Variants in FRY observed in about 807,000 individuals in gnomAD.
FRY encodes the protein protein furry homolog.
In FRY, 128 loss-of-function variants were observed where a neutral mutation model predicts 348.4. The ratio of observed to expected loss-of-function variants is 0.37; its 90% CI spans 0.32 to 0.43. The LOEUF (loss-of-function observed/expected upper bound fraction) is 0.43. Ranked by LOEUF, FRY falls within the 20% of genes least tolerant of loss-of-function variation. The probability of loss-of-function intolerance (pLI) is 1.00; values close to 1 mark genes in which losing one functional copy is unlikely to be tolerated. For synonymous variants in FRY, 1,370 were observed against 1,374.7 expected, an observed-to-expected ratio of 1.00 and a Z score of 0.08; for missense variants, 2,736 against 3,695.2, an observed-to-expected ratio of 0.74 and a Z score of 6.73.
At chr13:32,080,019 C>T (rs1241273338) in intron 2 of FRY, among the ~76,000 whole-genome samples, 2 of 152,276 alleles carry the variant, frequency 1.3e-5, no homozygotes, top group Non-Finnish European at 2.9e-5. Flanking sequence ...ATGACCCTTA[C>T]AAGAATTACA....
At chr13:32,061,992 G>T (rs975933909) in intron 1 of FRY, among the ~76,000 whole-genome samples, 30 of 152,032 alleles carry the variant, frequency 2.0e-4, no homozygotes, top group African/African-American at 7.2e-4. Flanking sequence ...CAAGGAGAAA[G>T]ATTTTGTTTA....
intron 30 of FRY, 144 bp from the exon 31 acceptor site, chr13:32,202,212 T>A: frequency 1.3e-6 from 1 of 785,302 alleles, no homozygotes; most frequent in Non-Finnish European, 2.2e-6. Context: ...ACATACTAAT[T>A]AAACTGATGT....
chr13:32,137,021 G>C (rs762347892), intron 11 of FRY, 49 bp downstream of exon 11: 1 of 1,028,806 alleles, frequency 9.7e-7, no homozygotes, highest in South Asian at 1.3e-5. Context: ...ATTTACAGTA[G>C]TTTTTAGGCT....
chr13:32,095,496 G>A lies in FRY; in HGVS notation c.271-6467G>A, dbSNP rs142976145. On this transcript the variant is annotated intron_variant, in intron 2 of 60. Transcript: ENST00000542859. ...CAAGTGGCTGGGATTACAGGCGTGC[G>A]CCCCCAGCCCAGCTAATTTTGTATT... Among the ~76,000 whole-genome samples the A allele has an allele frequency of 5.3e-4, 81 of 151,950 alleles. No individual in the cohort carries two copies. The East Asian group carries it at 0.015, about 29-fold the overall frequency.
Position 32,274,893 on chromosome 13 carries a change from G to A in FRY, c.8188G>A (p.Gly2730Arg). The A allele has an allele frequency of 6.2e-7, 1 of 1,613,080 alleles. No individual in the cohort carries two copies. Among genetic ancestry groups the A allele is most frequent in the Non-Finnish European group, 8.5e-7 (1 of 1,179,180 alleles). ...FLTCDAASYL[G>R]DNLRGIGSKF... ...AACCTGTGATGCAGCCAGTTACCTT[G>A]GAGATAACCTCCGGGGAATCGGATC... Residue 2730 changes from glycine (G) to arginine (R), a missense_variant, in exon 56 of 61, where the codon GGA becomes AGA. Physicochemically the swap from Gly to Arg is moderately radical, Grantham distance 125. Around this residue, in one of 9 missense-constraint regions of FRY, gnomAD observed 789 missense variants for 996.2 expected, o/e 0.79. Transcript: ENST00000542859.
intron 29 of FRY, among the ~76,000 whole-genome samples, chr13:32,197,246 T>A (rs1883727688): frequency 6.6e-6 from 1 of 152,244 alleles, no homozygotes; most frequent in South Asian, 2.1e-4. Flanking sequence ...TGTTTGTTTT[T>A]CTTTAAGTTA....
At chr13:32,156,532 C>T (rs1881124423) in intron 15 of FRY, among the ~76,000 whole-genome samples, 1 of 146,424 alleles carries the variant, frequency 6.8e-6, no homozygotes, top group Non-Finnish European at 1.5e-5. Flanking sequence ...ACCCAGGAGA[C>T]GGAGGTTGCA....
At chr13:32,115,704 T>C (rs755567833) in intron 3 of FRY, among the ~76,000 whole-genome samples, 71 of 152,170 alleles carry the variant, frequency 4.7e-4, no homozygotes, top group Non-Finnish European at 8.4e-4. Context: ...CTTTTTTTTT[T>C]CTTGGGTCTC....
At chr13:32,176,896 C>T (rs1431739528) in intron 20 of FRY, among the ~76,000 whole-genome samples, 2 of 152,192 alleles carry the variant, frequency 1.3e-5, no homozygotes, top group African/African-American at 4.8e-5. Flanking sequence ...ATTCCCAAGT[C>T]ATAAATTCAA....
At chr13:32,087,097 A>G (rs1027554753) in intron 2 of FRY, among the ~76,000 whole-genome samples, 1 of 152,220 alleles carries the variant, frequency 6.6e-6, no homozygotes, top group Non-Finnish European at 1.5e-5. Context: ...GAAAGAAGTA[A>G]ACTCAAAGTA....
At chr13:32,224,690 C>T (rs1387296432) in intron 37 of FRY, among the ~76,000 whole-genome samples, 1 of 152,218 alleles carries the variant, frequency 6.6e-6, no homozygotes, top group African/African-American at 2.4e-5. Flanking sequence ...GATTTCTCTT[C>T]ATCCCTTAGC....
At chr13:32,096,439 G>GT (rs917506081) in intron 2 of FRY, among the ~76,000 whole-genome samples, 1 of 151,590 alleles carries the variant, frequency 6.6e-6, no homozygotes, top group Middle Eastern at 3.4e-3. Flanking sequence ...GAAAACTGCG[G>GT]GGGGGGGCTT....
At chr13:32,073,701 A>G (rs554756313) in intron 1 of FRY, among the ~76,000 whole-genome samples, 1 of 152,228 alleles carries the variant, frequency 6.6e-6, no homozygotes, top group Non-Finnish European at 1.5e-5. Flanking sequence ...CACTCATTAA[A>G]TAAGTATTGG....
chr13:32,048,992 T>G (rs1257265562), intron 1 of FRY, among the ~76,000 whole-genome samples: 1 of 152,202 alleles, frequency 6.6e-6, no homozygotes, highest in Non-Finnish European at 1.5e-5. Flanking sequence ...GCCCAGCTCC[T>G]GCCTTCTCTG....
chr13:32,240,650 C>T (rs1159456837), intron 46 of FRY, among the ~76,000 whole-genome samples: 1 of 152,170 alleles, frequency 6.6e-6, no homozygotes, highest in East Asian at 1.9e-4. Context: ...TCTTCAGTCT[C>T]CAACAAGTTT....
At chr13:32,046,296 C>T (rs1172715639) in intron 1 of FRY, among the ~76,000 whole-genome samples, 1 of 152,208 alleles carries the variant, frequency 6.6e-6, no homozygotes, top group Admixed American at 6.5e-5. Flanking sequence ...ATTTATTCAG[C>T]TCTGTGTTTT....
At chr13:32,122,531 A>G (rs1011501036) in intron 4 of FRY, among the ~76,000 whole-genome samples, 6 of 152,178 alleles carry the variant, frequency 3.9e-5, no homozygotes, top group African/African-American at 1.4e-4. Flanking sequence ...TACAAGGGAC[A>G]TAACTTAATG....
At position 32,234,777 on chromosome 13, in the gene FRY, C is replaced by A. The variant is rs748929887; in HGVS notation, c.5715+16C>A. On this transcript the variant is annotated intron_variant, in intron 42 of 60. Transcript: ENST00000542859. ...TGAGATTCAGGTATGGAAGGGAAGA[C>A]CACTGAGCTCGTGAAGGATGAGCTC... 6.2e-7 allele frequency: 1 copy of A among 1,604,770 alleles called. No individual in the cohort carries two copies. Among genetic ancestry groups the A allele is most frequent in the South Asian group, 1.1e-5 (1 of 90,846 alleles).
chr13:32,052,744 A>G (rs556937124), intron 1 of FRY, among the ~76,000 whole-genome samples: 1 of 152,362 alleles, frequency 6.6e-6, no homozygotes, highest in Admixed American at 6.5e-5. Flanking sequence ...GTCCAAACAT[A>G]CTTAAAACAT....
Sources: allele counts gnomAD v4.1 joint callset (sites outside exome capture counted in the v4.1 genomes callset), GRCh38; gene constraint gnomAD v4.1.1; regional missense constraint gnomAD v4.1.1; transcripts MANE v1.5; gene names NCBI Gene and HGNC (gene_info 2026-07-23, HGNC 2026-07-21).